The following PTBP3 variants were observed in gnomAD, a reference collection of about 807,000 sequenced individuals.
The protein encoded by PTBP3 is polypyrimidine tract-binding protein 3.
Under a neutral mutation model 58.7 loss-of-function variants are expected in PTBP3, and 20 were observed. The ratio of observed to expected loss-of-function variants is 0.34; its 90% CI spans 0.24 to 0.50. The LOEUF is 0.50. Among genes scored for constraint, PTBP3 ranks in the 20% least tolerant of loss-of-function variants. PTBP3 has a pLI of 0.98. For synonymous variants in PTBP3, 185 were observed against 219.8 expected (o/e 0.84, Z 1.40); for missense variants, 509 against 637.2 (o/e 0.80, Z 2.17).
In PTBP3 at chr9:112,220,380, A is replaced by C. The variant is rs1747607992; in HGVS notation, c.*3471T>G. The C allele has an allele frequency of 8.1e-7, 1 of 1,235,230 alleles. No homozygotes were observed. Among genetic ancestry groups the C allele is most frequent in the South Asian group, 1.4e-5 (1 of 72,214 alleles). 76.5% of individuals were successfully genotyped at this position (1,235,230 alleles called of 1,614,324 possible). ...CCAGGAGTTGGCGAGACCCCTAAAAATAAAATAAAGTAAAATAAAAAGAAA... is the reference window on the plus strand; with the variant it reads ...CCAGGAGTTGGCGAGACCCCTAAAACTAAAATAAAGTAAAATAAAAAGAAA... On this transcript the variant is annotated 3_prime_UTR_variant, in exon 14 of 14. Coordinates refer to ENST00000374257, the MANE Select transcript of PTBP3 (RefSeq NM_001163788.4).
At position 112,268,102 on chromosome 9, in the gene PTBP3, T is replaced by C; in HGVS notation, c.298A>G (p.Ile100Val). ...AGTTCTCTGTGATTGGAATACTGAA[T>C]ATAAACAGGCTGGCTTCGAAGGTGA... The part of the protein sequence containing the change: ...TPHLRSQPVY[I>V]QYSNHRELKT... The change falls in exon 4 of 14, where the codon ATT becomes GTT. Residue 100 changes from isoleucine to valine, a missense_variant. Ile to Val is a conservative substitution (Grantham distance 29, BLOSUM62 3). Coordinates refer to ENST00000374257, the MANE Select transcript of PTBP3 (RefSeq NM_001163788.4). 4 of 1,613,870 alleles carry C rather than the reference T, an allele frequency of 2.5e-6. No homozygotes were observed. Among genetic ancestry groups the C allele is most frequent in the Non-Finnish European group, 2.5e-6 (3 of 1,179,798 alleles).
At chr9:112,286,627 A>C (rs1342390110) in intron 2 of PTBP3, among the ~76,000 whole-genome samples, 1 of 152,132 alleles carries the variant, frequency 6.6e-6, no homozygotes, top group Non-Finnish European at 1.5e-5. Flanking sequence ...CTTTTCTCAT[A>C]TGTCATAACC....
intron 5 of PTBP3, 49 bp from the exon 6 acceptor site, chr9:112,252,837 T>A (rs1323498561): frequency 9.6e-7 from 1 of 1,040,500 alleles, no homozygotes. Context: ...AGTATTAAAC[T>A]GATGTATCTT....
chr9:112,306,720 A>G (rs1056274627), intron 1 of PTBP3, among the ~76,000 whole-genome samples: 4 of 151,682 alleles, frequency 2.6e-5, no homozygotes, highest in African/African-American at 9.7e-5. Context: ...GGTTCAAGCG[A>G]TTCTCCTGCC....
At chr9:112,286,447 C>A (rs1269304007) in intron 2 of PTBP3, among the ~76,000 whole-genome samples, 1 of 151,570 alleles carries the variant, frequency 6.6e-6, no homozygotes, top group Non-Finnish European at 1.5e-5. Context: ...TATATGCTAT[C>A]CCTTTTTACT....
chr9:112,298,506 G>C lies in PTBP3; in HGVS notation c.-51-590C>G, dbSNP rs963695776. 1.7e-4 allele frequency: 84 copies of C among 494,960 alleles called. No individual in the cohort carries two copies. The Admixed American group carries it at 1.8e-3, about 11-fold the overall frequency. The allele number at this position is 494,960 out of a possible 1,614,324, so 30.7% of individuals were successfully genotyped here. ...ACTGGCAACACTAAAAAGTAACTCA[G>C]AGAAGTCTTTTCATTGTAATGTAAG... On this transcript the variant is annotated intron_variant, in intron 1 of 13. Coordinates refer to ENST00000374257, the MANE Select transcript of PTBP3 (RefSeq NM_001163788.4).
At chr9:112,243,238 G>C (rs1835733757) in intron 7 of PTBP3, among the ~76,000 whole-genome samples, 1 of 151,658 alleles carries the variant, frequency 6.6e-6, no homozygotes, top group South Asian at 2.1e-4. Context: ...ACAAGAAAAA[G>C]AATTAAAGTC....
chr9:112,220,243 C>T lies in PTBP3; in HGVS notation c.*3608G>A, dbSNP rs372414523. 5.2e-6 allele frequency: 7 copies of T among 1,346,124 alleles called. No homozygotes were observed. The African/African-American group carries it at 1.0e-4, about 20-fold the overall frequency. The allele number at this position is 1,346,124 out of a possible 1,614,324, so 83.4% of individuals were successfully genotyped here. A position where few individuals can be genotyped will look rare whatever the true frequency, so the allele number is the denominator to read the frequency against. On this transcript the variant is annotated 3_prime_UTR_variant, in exon 14 of 14. Coordinates refer to ENST00000374257, the MANE Select transcript of PTBP3 (RefSeq NM_001163788.4). The stretch of plus-strand genomic sequence containing the variant: ...CATGACAATATGCTAAACATGTAAG[C>T]ACTGCTGACTGATGGCACGGAGACA...
chr9:112,231,038 C>A (rs915884647), intron 10 of PTBP3, among the ~76,000 whole-genome samples: 1 of 141,274 alleles, frequency 7.1e-6, no homozygotes, highest in Non-Finnish European at 1.5e-5. Context: ...CACTTCCATG[C>A]ACCAGGACCC....
At chr9:112,254,050 G>C (rs1836246437) in intron 5 of PTBP3, among the ~76,000 whole-genome samples, 1 of 152,088 alleles carries the variant, frequency 6.6e-6, no homozygotes, top group Non-Finnish European at 1.5e-5. Flanking sequence ...AACCACTATG[G>C]TACAATCATG....
At chr9:112,263,155 G>C (rs1564415421) in intron 4 of PTBP3, among the ~76,000 whole-genome samples, 1 of 152,156 alleles carries the variant, frequency 6.6e-6, no homozygotes, top group Non-Finnish European at 1.5e-5. Flanking sequence ...AAAGGACATA[G>C]AAACCAGCTT....
At chr9:112,300,718 C>A (rs1382206200) in intron 1 of PTBP3, among the ~76,000 whole-genome samples, 1 of 152,004 alleles carries the variant, frequency 6.6e-6, no homozygotes, top group Non-Finnish European at 1.5e-5. Context: ...CGCCACTGCA[C>A]TCCAGCCTGG....
At chr9:112,310,123 T>C (rs1829416147) in intron 1 of PTBP3, among the ~76,000 whole-genome samples, 1 of 152,198 alleles carries the variant, frequency 6.6e-6, no homozygotes, top group Non-Finnish European at 1.5e-5. Context: ...TGTTCATTTG[T>C]GACATTTTTA....
the PTBP3 span, among the ~76,000 whole-genome samples, chr9:112,345,041 GAGAATT>G: frequency 6.6e-6 from 1 of 152,040 alleles, no homozygotes; most frequent in Non-Finnish European, 1.5e-5. Context: ...GCTGAGGCAG[GAGAATT>G]GCTTAAACTG....
At chr9:112,247,089 C>T (rs1835909385) in intron 7 of PTBP3, among the ~76,000 whole-genome samples, 1 of 151,744 alleles carries the variant, frequency 6.6e-6, no homozygotes, top group Non-Finnish European at 1.5e-5. Context: ...TAAAAATTAG[C>T]CGGGTATGAT....
At chr9:112,252,544 C>A in intron 6 of PTBP3, 134 bp downstream of exon 6, 1 of 669,334 alleles carries the variant, frequency 1.5e-6, no homozygotes. Flanking sequence ...GAATCATACA[C>A]TTTAAAACGA....
intron 1 of PTBP3, among the ~76,000 whole-genome samples, chr9:112,316,945 T>C (rs1209861014): frequency 9.5e-5 from 14 of 146,916 alleles, no homozygotes; most frequent in Non-Finnish European, 1.8e-4. Flanking sequence ...GCACTCCAGG[T>C]TGGGCGACAA....
At chr9:112,279,659 C>T (rs1827772431) in intron 2 of PTBP3, among the ~76,000 whole-genome samples, 1 of 151,946 alleles carries the variant, frequency 6.6e-6, no homozygotes, top group Admixed American at 6.5e-5. Context: ...CAACCCCCAC[C>T]CCAGGCAATC....
At chr9:112,310,805 A>G (rs1471439519) in intron 1 of PTBP3, among the ~76,000 whole-genome samples, 1 of 152,260 alleles carries the variant, frequency 6.6e-6, no homozygotes, top group African/African-American at 2.4e-5. Context: ...CCAAAGTCTT[A>G]CAAGTAGTAA....
Sources: gnomAD v4.1 joint callset for allele counts (sites outside exome capture counted in the v4.1 genomes callset) on GRCh38, gnomAD v4.1.1 for gene constraint, MANE v1.5 for transcripts, NCBI Gene and HGNC (gene_info 2026-07-23, HGNC 2026-07-21) for gene names.